The following LAMA2 variants were observed in gnomAD, a reference collection of about 807,000 sequenced individuals.
LAMA2 encodes laminin subunit alpha-2.
LAMA2 carries 269 observed loss-of-function variants against 364.8 expected under a neutral mutation model. The observed-to-expected ratio is 0.74, with a 90% CI of 0.67 to 0.82. The LOEUF (loss-of-function observed/expected upper bound fraction) is 0.82, where lower values mean the gene tolerates loss of function less well. Among genes scored for constraint, LAMA2 ranks in the 40% least tolerant of loss-of-function variants. The pLI is 0.00. For missense variants in LAMA2, 3,807 were observed against 3,873.2 expected, an observed-to-expected ratio of 0.98 and a Z score of 0.45; for synonymous variants, 1,379 against 1,370.6, an observed-to-expected ratio of 1.01 and a Z score of -0.14.
intron 12 of LAMA2, among the ~76,000 whole-genome samples, chr6:129,201,407 T>C (rs1406536954): frequency 6.6e-6 from 1 of 151,976 alleles, no homozygotes; most frequent in Non-Finnish European, 1.5e-5. Context: ...GAGTACTGAG[T>C]TGCAAATATG....
chr6:129,472,066 A>G (rs1028813194), intron 51 of LAMA2, among the ~76,000 whole-genome samples: 3 of 151,948 alleles, frequency 2.0e-5, no homozygotes, highest in African/African-American at 4.8e-5. Context: ...TTTTTGCTCT[A>G]TGTCCTTCTC....
intron 12 of LAMA2, among the ~76,000 whole-genome samples, chr6:129,219,063 A>G (rs1397820632): frequency 6.6e-6 from 1 of 152,210 alleles, no homozygotes; most frequent in Admixed American, 6.5e-5. Flanking sequence ...CCTGCAGTAT[A>G]TATGTCAAAA....
intron 12 of LAMA2, among the ~76,000 whole-genome samples, chr6:129,248,728 A>G (rs919737181): frequency 6.6e-6 from 1 of 152,174 alleles, no homozygotes; most frequent in African/African-American, 2.4e-5. Context: ...TATACAACAT[A>G]AAACTTTTTT....
intron 1 of LAMA2, among the ~76,000 whole-genome samples, chr6:128,949,550 AAAGG>A (rs1780683404): frequency 6.6e-6 from 1 of 152,162 alleles, no homozygotes; most frequent in Non-Finnish European, 1.5e-5. Flanking sequence ...ATAGAGAGAG[AAAGG>A]AAGAAAGAAA....
chr6:129,075,498 G>C (rs1027272438), intron 3 of LAMA2, among the ~76,000 whole-genome samples: 2 of 152,172 alleles, frequency 1.3e-5, no homozygotes, highest in African/African-American at 4.8e-5. Context: ...AATGATTATA[G>C]TGAGATAAGT....
intron 37 of LAMA2, among the ~76,000 whole-genome samples, chr6:129,398,472 CT>C (rs71028159): frequency 1.2e-3 from 138 of 110,516 alleles, no homozygotes; most frequent in Admixed American, 3.5e-3. Flanking sequence ...CTTTTCTTTT[CT>C]TTTTTTTTTT....
chr6:129,510,114 C>G (rs1310590724), intron 62 of LAMA2, among the ~76,000 whole-genome samples: 1 of 152,040 alleles, frequency 6.6e-6, no homozygotes, highest in Admixed American at 6.6e-5. Context: ...ATTGGAAGTC[C>G]TAGCTAGAGC....
chr6:129,178,086 G>T (rs566773414), intron 10 of LAMA2, among the ~76,000 whole-genome samples: 17 of 152,048 alleles, frequency 1.1e-4, no homozygotes, highest in Admixed American at 5.2e-4. Context: ...ACGTTTAAAG[G>T]CTTGTTATTT....
chr6:129,390,110 G>T (rs1185705007), intron 35 of LAMA2, among the ~76,000 whole-genome samples: 1 of 152,188 alleles, frequency 6.6e-6, no homozygotes, highest in Non-Finnish European at 1.5e-5. Flanking sequence ...AAGATGCATT[G>T]TGGAAAGGGT....
At position 128,976,744 on chromosome 6, in the gene LAMA2, G is replaced by A. The variant is rs1196980822; in HGVS notation, c.113-73174G>A. 3.3e-5 allele frequency among the ~76,000 whole-genome samples: 5 copies of A among 152,218 alleles called. No individual in the cohort carries two copies. In the East Asian group the frequency reaches 5.8e-4, roughly 18 times the overall value. On this transcript the variant is annotated intron_variant, in intron 1 of 64. Coordinates refer to ENST00000421865, the MANE Select transcript of LAMA2 (RefSeq NM_000426.4). ...TCTGTAAATATCATAAATATCATAC[G>A]AATCCTAAGAAATTCTGGGATTTAA...
intron 56 of LAMA2, among the ~76,000 whole-genome samples, chr6:129,488,307 C>T (rs1784697091): frequency 6.6e-6 from 1 of 152,112 alleles, no homozygotes; most frequent in African/African-American, 2.4e-5. Flanking sequence ...AAGACTCCAA[C>T]TCGGAAAAAA....
intron 9 of LAMA2, among the ~76,000 whole-genome samples, chr6:129,172,915 G>C (rs558401513): frequency 2.0e-5 from 3 of 152,208 alleles, no homozygotes; most frequent in African/African-American, 7.2e-5. Context: ...GCAGTATTCC[G>C]GTGGGAGTGA....
At chr6:129,462,516 T>A (rs1003793627) in intron 49 of LAMA2, among the ~76,000 whole-genome samples, 9 of 152,014 alleles carry the variant, frequency 5.9e-5, no homozygotes, top group South Asian at 2.1e-4. Flanking sequence ...TCAAACTATA[T>A]TCACATTTTC....
intron 2 of LAMA2, among the ~76,000 whole-genome samples, chr6:129,056,860 A>G (rs1247279364): frequency 6.7e-6 from 1 of 150,274 alleles, no homozygotes; most frequent in East Asian, 2.0e-4. Context: ...CCTCCCAAGT[A>G]GCTGGGAATA....
chr6:129,214,809 C>G (rs1783323211), intron 12 of LAMA2, among the ~76,000 whole-genome samples: 1 of 151,982 alleles, frequency 6.6e-6, no homozygotes, highest in Admixed American at 6.6e-5. Context: ...TGTTGATATC[C>G]AAAAAATAAC....
At chr6:129,328,215 C>A in intron 28 of LAMA2, 63 bp from the exon 29 acceptor site, 1 of 1,418,928 alleles carries the variant, frequency 7.0e-7, no homozygotes, top group African/African-American at 1.4e-5. Flanking sequence ...CACTGAAGAG[C>A]TCAAGCGTTG....
intron 35 of LAMA2, among the ~76,000 whole-genome samples, chr6:129,385,545 T>C (rs1322006547): frequency 6.6e-6 from 1 of 152,214 alleles, no homozygotes; most frequent in Non-Finnish European, 1.5e-5. Flanking sequence ...TTCAGCTTTA[T>C]GTTTGGATAG....
intron 30 of LAMA2, among the ~76,000 whole-genome samples, chr6:129,345,377 T>C (rs1776490950): frequency 6.6e-6 from 1 of 152,226 alleles, no homozygotes; most frequent in Admixed American, 6.5e-5. Flanking sequence ...CTCAGAGTCA[T>C]TGATGAATTT....
chr6:128,925,889 A>G (rs1388708775), intron 1 of LAMA2, among the ~76,000 whole-genome samples: 3 of 152,058 alleles, frequency 2.0e-5, no homozygotes, highest in African/African-American at 4.8e-5. Flanking sequence ...CAGTCTTGCC[A>G]TGAGAAACGG....
Sources: gnomAD v4.1 joint callset for allele counts (sites outside exome capture counted in the v4.1 genomes callset) on GRCh38, gnomAD v4.1.1 for gene constraint, MANE v1.5 for transcripts, NCBI Gene and HGNC (gene_info 2026-07-23, HGNC 2026-07-21) for gene names.